Variants in PHF19 observed in about 807,000 individuals in gnomAD.
PHF19 encodes the protein PHD finger protein 19, also known as polycomb like 3.
A neutral mutation model predicts 79.8 loss-of-function variants in PHF19; 21 were observed. The observed-to-expected ratio is 0.26, with a 90% CI of 0.19 to 0.38. The LOEUF (loss-of-function observed/expected upper bound fraction) is 0.38, where lower values mean the gene tolerates loss of function less well. PHF19 is among the 10% of genes least tolerant of loss of function. PHF19 has a pLI of 1.00. For synonymous variants in PHF19, 273 were observed against 296.3 expected (o/e 0.92, Z 0.81); for missense variants, 445 against 744.2 (o/e 0.60, Z 4.68).
Position 120,869,088 on chromosome 9 carries a change from C to G in PHF19, c.614+94G>C, listed in dbSNP as rs1564501879. The G allele has an allele frequency of 1.5e-6, 2 of 1,321,144 alleles. No homozygotes were observed. Among genetic ancestry groups the G allele is most frequent in the Admixed American group, 2.7e-5 (1 of 37,152 alleles). The allele number at this position is 1,321,144 out of a possible 1,614,324, so 81.8% of individuals were successfully genotyped here. A position where few individuals can be genotyped will look rare whatever the true frequency, so the allele number is the denominator to read the frequency against. ...CCCGCCCTCAAGGTCCCCGCCTTGG[C>G]TGACACGCCAGGCTCGCTCCCTATG... is the stretch of plus-strand genomic sequence containing the variant. On this transcript the variant is annotated intron_variant, in intron 6 of 14. Coordinates refer to ENST00000373896, the MANE Select transcript of PHF19 (RefSeq NM_015651.3). The surrounding 1 kb of genome is among the most constrained non-coding windows in gnomAD (Gnocchi z 5.8).
At position 120,860,820 on chromosome 9, in the gene PHF19, C is replaced by CAG; in HGVS notation, c.1304+267_1304+268dup. On this transcript the variant is annotated intron_variant, in intron 13 of 14. Transcript: ENST00000373896. The surrounding 1 kb of genome is among the most constrained non-coding windows in gnomAD (Gnocchi z 4.1). ...GGCTAGGGCAAGGCAAAGGGTATCT[C>CAG]AGGCAGAGGGAGCAATACGAGCAAA... 1 of 398,914 alleles carries CAG rather than the reference C, an allele frequency of 2.5e-6. No homozygotes were observed. Among genetic ancestry groups the CAG allele is most frequent in the Non-Finnish European group, 4.8e-6 (1 of 210,474 alleles). The allele number at this position is 398,914 out of a possible 1,614,324, so 24.7% of individuals were successfully genotyped here.
rs1159654165 is a variant in PHF19 at position 120,862,281 on chromosome 9, G to A, written c.1131-276C>T. On this transcript the variant is annotated intron_variant, in intron 11 of 14. Transcript: ENST00000373896. This position sits in a 1 kb window ranked among gnomAD's most constrained non-coding sequence, Gnocchi z 4.6. ...CTGCCCCCCAGTGCCAGGATGAGGG[G>A]GCTCAGCTGAGCCAGGAGAGAGAGG... 1.3e-5 allele frequency among the ~76,000 whole-genome samples: 2 copies of A among 152,206 alleles called. No individual in the cohort carries two copies. Among genetic ancestry groups the A allele is most frequent in the African/African-American group, 2.4e-5 (1 of 41,448 alleles).
intron 10 of PHF19, 63 bp downstream of exon 10, chr9:120,863,986 G>C: frequency 7.6e-7 from 1 of 1,310,266 alleles, no homozygotes; most frequent in Non-Finnish European, 1.1e-6. Context: ...CAAAGGCTAT[G>C]AGGTAGGAAG....
At chr9:120,887,663 C>T (rs926183905) in intron 1 of PHF19, among the ~76,000 whole-genome samples, 2 of 146,952 alleles carry the variant, frequency 1.4e-5, no homozygotes, top group African/African-American at 2.5e-5. Context: ...GACACACACA[C>T]ACACACACAC....
the PHF19 span, among the ~76,000 whole-genome samples, chr9:120,902,103 A>C: frequency 5.9e-5 from 9 of 152,176 alleles, no homozygotes; most frequent in Admixed American, 3.9e-4. Flanking sequence ...CTTCCCTGCC[A>C]CGTGCCCCCG....
In PHF19 at chr9:120,862,945, C is replaced by T; in HGVS notation, c.969-196G>A. The T allele has an allele frequency of 1.7e-6, 1 of 582,874 alleles. No homozygotes were observed. The highest frequency in any genetic ancestry group is 2.9e-5 in the East Asian group (1 of 34,450). 36.1% of individuals were successfully genotyped at this position (582,874 alleles called of 1,614,324 possible). A position where few individuals can be genotyped will look rare whatever the true frequency, so the allele number is the denominator to read the frequency against. On this transcript the variant is annotated intron_variant, in intron 10 of 14. Coordinates refer to ENST00000373896, the MANE Select transcript of PHF19 (RefSeq NM_015651.3). This position sits in a 1 kb window ranked among gnomAD's most constrained non-coding sequence, Gnocchi z 4.6. ...GTAGCAGCTGAGAACACGGCTGGTG[C>T]CTCCTCCCTGTGCTTCCTCCTGCAT...
rs190115388 is a variant in PHF19 at position 120,869,039 on chromosome 9, G to A, written c.614+143C>T. 2,107 of 298,894 alleles carry A rather than the reference G, an allele frequency of 7.0e-3. 39 individuals are homozygous for A. In the African/African-American group the frequency reaches 0.072, roughly 10 times the overall value. The allele number at this position is 298,894 out of a possible 1,614,324, so 18.5% of individuals were successfully genotyped here. ...CTCCAGGCCCGCCCCTCGAGGCCCC[G>A]CCCCCACAGCGCAACACACTGGGCC... On this transcript the variant is annotated intron_variant, in intron 6 of 14. Coordinates refer to ENST00000373896, the MANE Select transcript of PHF19 (RefSeq NM_015651.3). This position sits in a 1 kb window ranked among gnomAD's most constrained non-coding sequence, Gnocchi z 5.8.
At chr9:120,886,253 G>A (rs951669888) in intron 1 of PHF19, among the ~76,000 whole-genome samples, 2 of 152,200 alleles carry the variant, frequency 1.3e-5, no homozygotes, top group African/African-American at 2.4e-5. Flanking sequence ...TCTAACCATC[G>A]GGGTCTGGGT....
intron 1 of PHF19, among the ~76,000 whole-genome samples, chr9:120,883,258 T>C (rs986357185): frequency 5.3e-5 from 8 of 152,202 alleles, no homozygotes; most frequent in African/African-American, 1.9e-4. Context: ...GAGATCCTAT[T>C]TCCCTGCCTT....
rs1414465481 is a variant in PHF19, at chr9:120,857,093, G to C, written c.*851C>G. On this transcript the variant is annotated 3_prime_UTR_variant, in exon 15 of 15. Transcript: ENST00000373896. ...GTGGGTCTGGGGATGGGAGGCACCA[G>C]AAACAGGTTTAGCAAGACATGGTTT... is the stretch of plus-strand genomic sequence containing the variant. 1 of 152,330 alleles carries C rather than the reference G, an allele frequency of 6.6e-6. No individual in the cohort carries two copies. The highest frequency in any genetic ancestry group is 1.9e-4 in the East Asian group (1 of 5,206). 9.4% of individuals were successfully genotyped at this position (152,330 alleles called of 1,614,324 possible). A position where few individuals can be genotyped will look rare whatever the true frequency, so the allele number is the denominator to read the frequency against.
Position 120,866,700 on chromosome 9 carries a change from A to G in PHF19, c.710+170T>C, listed in dbSNP as rs898904637. Among the ~76,000 whole-genome samples the G allele has an allele frequency of 2.6e-5, 4 of 152,224 alleles. No homozygotes were observed. Among genetic ancestry groups the G allele is most frequent in the Non-Finnish European group, 4.4e-5 (3 of 68,036 alleles). On this transcript the variant is annotated intron_variant, in intron 7 of 14. Transcript: ENST00000373896. This position sits in a 1 kb window ranked among gnomAD's most constrained non-coding sequence, Gnocchi z 5.2. ...CTTCTTTATTGCCTCCTGGCCCTGC[A>G]TAGCTAGGGGATCCCCTACCTTGAG...
At chr9:120,889,429 A>C (rs1172059477) in intron 1 of PHF19, among the ~76,000 whole-genome samples, 1 of 150,766 alleles carries the variant, frequency 6.6e-6, no homozygotes, top group Non-Finnish European at 1.5e-5. Flanking sequence ...CCATCTCAAA[A>C]AAAAAAAAAA....
chr9:120,896,437 C>CT (rs58824573), upstream of PHF19, among the ~76,000 whole-genome samples: 26 of 124,032 alleles, frequency 2.1e-4, no homozygotes, highest in African/African-American at 3.0e-4. Context: ...TTGTATGGTT[C>CT]TTTTTTTTTT....
chr9:120,887,621 A>AC (rs2046283462), intron 1 of PHF19, among the ~76,000 whole-genome samples: 1 of 113,590 alleles, frequency 8.8e-6, no homozygotes, highest in African/African-American at 3.5e-5. Context: ...TTTATGAACA[A>AC]ACACACACAC....
At chr9:120,868,789 G>T (rs1450738160) in intron 6 of PHF19, 5 of 990,386 alleles carry the variant, frequency 5.0e-6, no homozygotes, top group Non-Finnish European at 4.8e-6. Flanking sequence ...TCCACAGGGT[G>T]CTTCTCGACC....
intron 1 of PHF19, chr9:120,875,991 T>C (rs2297574): frequency 0.034 from 5,154 of 152,762 alleles, 161 homozygotes; most frequent in East Asian, 0.14. Flanking sequence ...GGGCACCTGG[T>C]GTTGTGACTA....
rs2045368665 is a variant in PHF19, at chr9:120,856,717, T to G, written c.*1227A>C. ...CAAATGATGCAGGCTCTTTAAAAAT[T>G]TCAACCTATCCCAAAAAGTGATTGT... On this transcript the variant is annotated 3_prime_UTR_variant, in exon 15 of 15. Transcript: ENST00000373896. 6.5e-6 allele frequency: 1 copy of G among 152,688 alleles called. No homozygotes were observed. The highest frequency in any genetic ancestry group is 6.5e-5 in the Admixed American group (1 of 15,288). 9.5% of individuals were successfully genotyped at this position (152,688 alleles called of 1,614,324 possible).
chr9:120,869,957 G>A lies in PHF19; in HGVS notation c.365-12C>T. The A allele has an allele frequency of 1.3e-6, 2 of 1,562,460 alleles. No homozygotes were observed. The highest frequency in any genetic ancestry group is 1.7e-6 in the Non-Finnish European group (2 of 1,153,516). On this transcript the variant is annotated splice_polypyrimidine_tract_variant and intron_variant, in intron 4 of 14. Coordinates refer to ENST00000373896, the MANE Select transcript of PHF19 (RefSeq NM_015651.3). This position sits in a 1 kb window ranked among gnomAD's most constrained non-coding sequence, Gnocchi z 5.8. The stretch of plus-strand genomic sequence containing the variant: ...CTGCTGGTGGTAACCTACGGCAGAG[G>A]AGGGGGCGGTGAGCGCCCACAAGGA...
upstream of PHF19, among the ~76,000 whole-genome samples, chr9:120,878,205 A>G (rs1326058228): frequency 6.6e-6 from 1 of 152,236 alleles, no homozygotes; most frequent in Non-Finnish European, 1.5e-5. Flanking sequence ...TCGCAAATAT[A>G]TACCACACGC....
Sources: allele counts gnomAD v4.1 joint callset (sites outside exome capture counted in the v4.1 genomes callset), GRCh38; gene constraint gnomAD v4.1.1; non-coding constraint Gnocchi (gnomAD v3.1); transcripts MANE v1.5; gene names NCBI Gene and HGNC (gene_info 2026-07-23, HGNC 2026-07-21).